NAV2: variants seen among roughly 807,000 people sequenced by gnomAD.
NAV2 encodes neuron navigator 2.
Under a neutral mutation model 223.2 loss-of-function variants are expected in NAV2, and 54 were observed. That is an observed-to-expected ratio of 0.24 (90% CI 0.19 to 0.30). The LOEUF (loss-of-function observed/expected upper bound fraction) is 0.30, where lower values mean the gene tolerates loss of function less well. NAV2 is among the 10% of genes least tolerant of loss of function. NAV2 has a pLI of 1.00. For synonymous variants in NAV2, 1,279 were observed against 1,239.3 expected (o/e 1.03, Z -0.67); for missense variants, 2,806 against 3,147.5 (o/e 0.89, Z 2.60).
At chr11:19,789,856 A>AT (rs892963657) in intron 1 of NAV2, among the ~76,000 whole-genome samples, 1 of 152,074 alleles carries the variant, frequency 6.6e-6, no homozygotes, top group South Asian at 2.1e-4. Flanking sequence ...AGTAATGAAG[A>AT]TTTTTTACAT....
chr11:20,026,954 G>A (rs2055147140), intron 11 of NAV2, among the ~76,000 whole-genome samples: 1 of 152,228 alleles, frequency 6.6e-6, no homozygotes, highest in Non-Finnish European at 1.5e-5. Context: ...ATTTTTATCA[G>A]AGTTTGGAGG....
At chr11:19,777,222 G>A (rs943703525) in intron 1 of NAV2, among the ~76,000 whole-genome samples, 14 of 151,494 alleles carry the variant, frequency 9.2e-5, no homozygotes, top group Admixed American at 2.6e-4. Context: ...GAGCGAGCGA[G>A]GGAGGCACGA....
intron 1 of NAV2, among the ~76,000 whole-genome samples, chr11:19,531,511 G>A (rs2044027344): frequency 6.6e-6 from 1 of 152,166 alleles, no homozygotes; most frequent in African/African-American, 2.4e-5. Context: ...ATTTTTAAGT[G>A]AGCCAGCAAA....
At chr11:20,091,640 T>C (rs1474967215) in intron 27 of NAV2, among the ~76,000 whole-genome samples, 1 of 152,184 alleles carries the variant, frequency 6.6e-6, no homozygotes, top group African/African-American at 2.4e-5. Context: ...ATAGCACCAA[T>C]GCCTTGCACA....
At chr11:19,485,602 A>T (rs904746261) in intron 1 of NAV2, among the ~76,000 whole-genome samples, 46 of 152,232 alleles carry the variant, frequency 3.0e-4, no homozygotes, top group African/African-American at 1.1e-3. Context: ...GCACCAGGGA[A>T]GGCAATTCAA....
chr11:19,927,051 G>T (rs1244875660), intron 6 of NAV2, among the ~76,000 whole-genome samples: 1 of 152,214 alleles, frequency 6.6e-6, no homozygotes, highest in Non-Finnish European at 1.5e-5. Context: ...GAAGGTTAAG[G>T]CTGGTTGCCA....
chr11:19,986,129 T>C (rs10833214), intron 11 of NAV2, among the ~76,000 whole-genome samples: 80,229 of 152,004 alleles, frequency 0.53, 23,937 homozygotes, highest in Middle Eastern at 0.68. Context: ...TAATGCTTCA[T>C]TGTAAGATTA....
chr11:19,960,926 T>C (rs2048310617), intron 10 of NAV2, among the ~76,000 whole-genome samples: 1 of 150,276 alleles, frequency 6.7e-6, no homozygotes, highest in East Asian at 1.9e-4. Context: ...GGCCACCCTC[T>C]TTGCCTGGAG....
intron 1 of NAV2, among the ~76,000 whole-genome samples, chr11:19,718,491 G>A (rs1264986856): frequency 6.6e-6 from 1 of 152,194 alleles, no homozygotes; most frequent in Non-Finnish European, 1.5e-5. Flanking sequence ...GCATAGAGGA[G>A]GCCCCTGGGA....
chr11:20,106,187 A>G (rs374164897), intron 35 of NAV2, among the ~76,000 whole-genome samples: 10,707 of 18,494 alleles, frequency 0.58, 3,473 homozygotes, highest in South Asian at 0.75. Context: ...GTGTGTGTAT[A>G]TATATATATA....
At chr11:19,666,837 G>T (rs1201559340) in intron 1 of NAV2, among the ~76,000 whole-genome samples, 1 of 152,260 alleles carries the variant, frequency 6.6e-6, no homozygotes, top group African/African-American at 2.4e-5. Flanking sequence ...TAAAAATGCA[G>T]GTGTTTAGGT....
intron 1 of NAV2, among the ~76,000 whole-genome samples, chr11:19,569,385 A>G (rs1037166396): frequency 2.6e-5 from 4 of 152,206 alleles, no homozygotes; most frequent in African/African-American, 7.2e-5. Context: ...TGTAAACCCC[A>G]TGAGGGCAAA....
intron 14 of NAV2, 125 bp from the exon 15 acceptor site, chr11:20,048,603 A>G: frequency 1.3e-6 from 1 of 776,176 alleles, no homozygotes; most frequent in South Asian, 1.8e-5. Context: ...TAGCCATTTC[A>G]GTAGGAATGG....
At chr11:19,726,038 T>C (rs1487923902) in intron 1 of NAV2, among the ~76,000 whole-genome samples, 1 of 152,198 alleles carries the variant, frequency 6.6e-6, no homozygotes, top group Non-Finnish European at 1.5e-5. Context: ...CCCTCGCCGT[T>C]CTGCGGTGTG....
intron 1 of NAV2, among the ~76,000 whole-genome samples, chr11:19,515,575 T>C (rs528903001): frequency 6.9e-4 from 105 of 152,374 alleles, no homozygotes; most frequent in African/African-American, 2.5e-3. Flanking sequence ...CACTTTGTAA[T>C]TTCATGTGAA....
intron 11 of NAV2, among the ~76,000 whole-genome samples, chr11:20,014,460 TA>T (rs1419599947): frequency 1.3e-5 from 2 of 152,202 alleles, no homozygotes; most frequent in Non-Finnish European, 2.9e-5. Flanking sequence ...ATTTTCTGTT[TA>T]AAAGACCATG....
At chr11:19,963,777 G>T (rs2048535823) in intron 10 of NAV2, among the ~76,000 whole-genome samples, 1 of 152,182 alleles carries the variant, frequency 6.6e-6, no homozygotes, top group Non-Finnish European at 1.5e-5. Flanking sequence ...AAGTGAATGG[G>T]GGCAAAACTG....
Position 19,351,166 on chromosome 11 carries a change from G to C in NAV2, c.75+139G>C, listed in dbSNP as rs1001673063. ...GAGGTAGCATGGTGGCTTGAGATTT[G>C]CTATGTCTCGATGCTGGGTGTCTTG... On this transcript the variant is annotated intron_variant, in intron 1 of 37. Coordinates refer to the NAV2 transcript ENST00000360655. The C allele has an allele frequency of 8.4e-6, 7 of 833,458 alleles. No homozygotes were observed. The African/African-American group carries it at 1.2e-4, about 14-fold the overall frequency. The allele number at this position is 833,458 out of a possible 1,614,324, so 51.6% of individuals were successfully genotyped here. A position where few individuals can be genotyped will look rare whatever the true frequency, so the allele number is the denominator to read the frequency against.
chr11:19,365,875 TA>T (rs1277683526), intron 1 of NAV2, among the ~76,000 whole-genome samples: 6 of 152,324 alleles, frequency 3.9e-5, no homozygotes, highest in African/African-American at 1.4e-4. Flanking sequence ...CTTAGAACAA[TA>T]AGCATCTGGA....
Sources: gnomAD v4.1 joint callset for allele counts (sites outside exome capture counted in the v4.1 genomes callset) on GRCh38, gnomAD v4.1.1 for gene constraint, MANE v1.5 for transcripts, NCBI Gene and HGNC (gene_info 2026-07-23, HGNC 2026-07-21) for gene names.